URB2: variants seen among roughly 807,000 people sequenced by gnomAD.
URB2 encodes the protein URB2 ribosome biogenesis homolog.
URB2 carries 86 observed loss-of-function variants against 120.9 expected under a neutral mutation model. That is an observed-to-expected ratio of 0.71 (90% CI 0.60 to 0.85). The LOEUF (loss-of-function observed/expected upper bound fraction) is 0.85. URB2 is among the 40% of genes least tolerant of loss of function. The probability of loss-of-function intolerance (pLI) is 0.00; values close to 1 mark genes in which losing one functional copy is unlikely to be tolerated. For missense variants in URB2, 1,765 were observed against 1,836.5 expected, an observed-to-expected ratio of 0.96 and a Z score of 0.71; for synonymous variants, 755 against 758.4, an observed-to-expected ratio of 1.00 and a Z score of 0.07.
At position 229,647,112 on chromosome 1, in the gene URB2, A is replaced by C. The variant is rs79767220; in HGVS notation, c.3907-398A>C. On this transcript the variant is annotated intron_variant, in intron 6 of 9. Coordinates refer to ENST00000258243, the MANE Select transcript of URB2 (RefSeq NM_014777.4). ...TGATAAGAACACTGGGCTAGAATCCACTTACGTCCACCCAGAGGGTGTAGC... is the reference window on the plus strand; with the variant it reads ...TGATAAGAACACTGGGCTAGAATCCCCTTACGTCCACCCAGAGGGTGTAGC... 3.1e-3 allele frequency among the ~76,000 whole-genome samples: 474 copies of C among 152,298 alleles called. 4 individuals carry two copies. Among genetic ancestry groups the C allele is most frequent in the African/African-American group, 0.011 (450 of 41,574 alleles).
Position 229,635,040 on chromosome 1 carries a change from CAGG to C in URB2, c.430_432del (p.Glu144del). On this transcript the variant is annotated inframe_deletion, in exon 4 of 10. Coordinates refer to ENST00000258243, the MANE Select transcript of URB2 (RefSeq NM_014777.4). ...CCTGGCTGTCATCTACACGGCCAAA[CAGG>C]AGCTGATGGTGGCCTTGCTGAGCCA... 6.2e-7 allele frequency: 1 copy of C among 1,614,148 alleles called. No homozygotes were observed. Among genetic ancestry groups the C allele is most frequent in the Non-Finnish European group, 8.5e-7 (1 of 1,179,994 alleles).
In URB2 at chr1:229,658,102, A is replaced by G. The variant is rs115318214; in HGVS notation, c.4378-998A>G. On this transcript the variant is annotated intron_variant, in intron 9 of 9. Transcript: ENST00000258243. ...TTTATGTGTGCACTTCAGTAGTAGT[A>G]TATACATTCTTATATTGTGCAGCCA... Among the ~76,000 whole-genome samples the G allele has an allele frequency of 3.0e-3, 452 of 152,304 alleles. 2 individuals carry two copies. Among genetic ancestry groups the G allele is most frequent in the African/African-American group, 0.01 (434 of 41,544 alleles).
intron 8 of URB2, among the ~76,000 whole-genome samples, chr1:229,652,513 C>T (rs934304999): frequency 6.6e-6 from 1 of 152,222 alleles, no homozygotes; most frequent in African/African-American, 2.4e-5. Context: ...GGCTTCAATT[C>T]CTCTGCCCGG....
chr1:229,627,541 T>C, intron 1 of URB2, 80 bp from the exon 2 acceptor site: 2 of 1,403,030 alleles, frequency 1.4e-6, no homozygotes, highest in Non-Finnish European at 1.9e-6. Flanking sequence ...GATACAGTAC[T>C]GCAATACTGT....
At chr1:229,647,340 C>G (rs1666168883) in intron 6 of URB2, among the ~76,000 whole-genome samples, 170 bp from the exon 7 acceptor site, 1 of 152,208 alleles carries the variant, frequency 6.6e-6, no homozygotes, top group Admixed American at 6.5e-5. Flanking sequence ...ATATCTTTCA[C>G]TAGAGCTGAT....
chr1:229,633,978 T>C, intron 3 of URB2, among the ~76,000 whole-genome samples: 1 of 149,662 alleles, frequency 6.7e-6, no homozygotes, highest in East Asian at 2.0e-4. Flanking sequence ...ACTACAGGTG[T>C]GCACCACCAT....
chr1:229,628,604 G>T (rs928698130), intron 2 of URB2, among the ~76,000 whole-genome samples: 1 of 152,156 alleles, frequency 6.6e-6, no homozygotes, highest in African/African-American at 2.4e-5. Context: ...CTGTTGGTTG[G>T]TGGTGCTTTG....
At chr1:229,646,979 A>T (rs928813319) in intron 6 of URB2, among the ~76,000 whole-genome samples, 2 of 152,258 alleles carry the variant, frequency 1.3e-5, no homozygotes, top group African/African-American at 4.8e-5. Flanking sequence ...GTGTTGGTGG[A>T]TGGCAGGGGT....
chr1:229,658,200 G>T (rs1219978608), intron 9 of URB2, among the ~76,000 whole-genome samples: 1 of 152,164 alleles, frequency 6.6e-6, no homozygotes, highest in East Asian at 1.9e-4. Flanking sequence ...TTCAAACTCT[G>T]TTCAGCCCAC....
At chr1:229,657,112 A>C (rs1161642446) in intron 9 of URB2, among the ~76,000 whole-genome samples, 2 of 152,238 alleles carry the variant, frequency 1.3e-5, no homozygotes, top group Non-Finnish European at 2.9e-5. Flanking sequence ...GTCTTAAGTC[A>C]GGAACCATCT....
At chr1:229,657,995 C>G (rs1666444136) in intron 9 of URB2, among the ~76,000 whole-genome samples, 2 of 152,112 alleles carry the variant, frequency 1.3e-5, no homozygotes, top group Admixed American at 1.3e-4. Flanking sequence ...TGATGCTCTA[C>G]CACTGCTTTG....
At chr1:229,626,568 C>T (rs1172148299) in intron 1 of URB2, among the ~76,000 whole-genome samples, 2 of 152,270 alleles carry the variant, frequency 1.3e-5, no homozygotes, top group Admixed American at 6.5e-5. Flanking sequence ...CCTCCTGGCT[C>T]CTAGCTGCTC....
chr1:229,627,502 T>G, intron 1 of URB2, 119 bp from the exon 2 acceptor site: 2 of 995,742 alleles, frequency 2.0e-6, no homozygotes, highest in Non-Finnish European at 2.7e-6. Flanking sequence ...CATTAAAAAC[T>G]TTTAAAAGAA....
In URB2 at chr1:229,647,532, A is replaced by G. The variant is rs761698361; in HGVS notation, c.3929A>G (p.Gln1310Arg). 39 of 1,613,686 alleles carry G rather than the reference A, an allele frequency of 2.4e-5. No individual in the cohort carries two copies. The highest frequency in any genetic ancestry group is 3.1e-5 in the Non-Finnish European group (36 of 1,179,788). ...ALTLLNREAS[Q>R]EQPVSLTVVG... ...TAGCTCTTAAACCGAGAAGCTTCTC[A>G]GGAGCAGCCTGTGTCCCTCACAGTG... is the stretch of plus-strand genomic sequence containing the variant. Residue 1310 changes from glutamine to arginine, a missense_variant, in exon 7 of 10, where the codon CAG becomes CGG. Transcript: ENST00000258243.
At chr1:229,632,710 T>C (rs1665702830) in intron 3 of URB2, among the ~76,000 whole-genome samples, 1 of 152,236 alleles carries the variant, frequency 6.6e-6, no homozygotes. Flanking sequence ...AAAAGGTAGC[T>C]AGCAAATTAT....
At chr1:229,638,860 A>G (rs1665928804) in intron 4 of URB2, among the ~76,000 whole-genome samples, 1 of 152,144 alleles carries the variant, frequency 6.6e-6, no homozygotes. Flanking sequence ...GTGTACGTTT[A>G]TAGTTTTGAA....
In URB2 at chr1:229,627,612, A is replaced by G. The variant is rs376016827; in HGVS notation, c.-13-9A>G. ...TAGTATTTTTTTTCCCATTGTTTTT[A>G]AATTTTAGATAAAGCCTAGCCATGG... On this transcript the variant is annotated splice_polypyrimidine_tract_variant and intron_variant, in intron 1 of 9. Transcript: ENST00000258243. The G allele has an allele frequency of 6.2e-7, 1 of 1,600,168 alleles. No individual in the cohort carries two copies.
chr1:229,635,108 G>A lies in URB2; in HGVS notation c.495G>A (p.Val165=). 3 of 1,614,060 alleles carry A rather than the reference G, an allele frequency of 1.9e-6. No individual in the cohort carries two copies. Among genetic ancestry groups the A allele is most frequent in the Non-Finnish European group, 2.5e-6 (3 of 1,179,994 alleles). Residue 165 remains valine, a synonymous_variant, in exon 4 of 10, where the codon GTG becomes GTA. Transcript: ENST00000258243. ...CCTGCAGGCAGCCCGAAGGAGCTGT[G>A]GTAGCCCAGTTGTTTGAGGTCATTC... is the stretch of plus-strand genomic sequence containing the variant. ...WSACRQPEGA[V]VAQLFEVIHL... is the part of the protein sequence containing the mutation.
rs759119835 is a variant in URB2 at position 229,635,173 on chromosome 1, A to G, written c.560A>G (p.Gln187Arg). ...LGHYLLILQQQVNPRRAFGDV... is the reference protein window; with the variant it reads ...LGHYLLILQQRVNPRRAFGDV... ...CATTATCTCTTGATCCTGCAGCAGC[A>G]GGTCAACCCAAGACGTGCCTTTGGG... The change falls in exon 4 of 10, where the codon CAG (glutamine) becomes CGG (arginine). Residue 187 changes from glutamine (Q) to arginine (R), a missense_variant. Physicochemically the swap from Gln to Arg is conservative, Grantham distance 43 (BLOSUM62 1). Coordinates refer to ENST00000258243, the MANE Select transcript of URB2 (RefSeq NM_014777.4). The G allele has an allele frequency of 3.1e-6, 5 of 1,614,212 alleles. No homozygotes were observed. In the South Asian group the frequency reaches 3.3e-5, roughly 11 times the overall value.
Sources: allele counts gnomAD v4.1 joint callset (sites outside exome capture counted in the v4.1 genomes callset), GRCh38; gene constraint gnomAD v4.1.1; transcripts MANE v1.5; gene names NCBI Gene and HGNC (gene_info 2026-07-23, HGNC 2026-07-21).